The following SPICE1 variants were observed in gnomAD, a reference collection of about 807,000 sequenced individuals.
The protein encoded by SPICE1 is spindle and centriole associated protein 1, also known as spindle and centriole-associated protein 1.
Under a neutral mutation model 102.7 loss-of-function variants are expected in SPICE1, and 75 were observed. The observed-to-expected ratio is 0.73, with a 90% confidence interval of 0.61 to 0.88. The LOEUF (loss-of-function observed/expected upper bound fraction) is 0.88. Among genes scored for constraint, SPICE1 ranks in the 40% least tolerant of loss-of-function variants. The probability of loss-of-function intolerance (pLI) is 0.00; values close to 1 mark genes in which losing one functional copy is unlikely to be tolerated. For missense variants in SPICE1, 979 were observed against 1,020.1 expected, an observed-to-expected ratio of 0.96 and a Z score of 0.55; for synonymous variants, 308 against 350.3, an observed-to-expected ratio of 0.88 and a Z score of 1.35.
intron 12 of SPICE1, chr3:113,459,979 C>A (rs569306793): frequency 8.0e-5 from 79 of 985,138 alleles, no homozygotes; most frequent in Non-Finnish European, 9.5e-5. Flanking sequence ...TTTTGGTCAG[C>A]CACTTCTTAG....
rs1937054639 is a variant in SPICE1, at chr3:113,503,776, T to C, written c.100-549A>G. On this transcript the variant is annotated intron_variant, in intron 2 of 17. Transcript: ENST00000295872. ...GGCAAAACTCCATCTCTACTAAAAATACAAAAATTAGCCAGACCTGGTGGC... is the reference window on the plus strand; with the variant it reads ...GGCAAAACTCCATCTCTACTAAAAACACAAAAATTAGCCAGACCTGGTGGC... 2.6e-5 allele frequency among the ~76,000 whole-genome samples: 4 copies of C among 151,858 alleles called. No homozygotes were observed. The South Asian group carries it at 8.3e-4, about 32-fold the overall frequency.
chr3:113,491,396 G>A lies in SPICE1; in HGVS notation c.492+1810C>T, dbSNP rs558844399. ...AGCACTTTGGGAGGCCGAGGCGGGC[G>A]GATCACAAGGTCAGGAGATCGAGAC... is the stretch of plus-strand genomic sequence containing the variant. On this transcript the variant is annotated intron_variant, in intron 6 of 17. Coordinates refer to ENST00000295872, the MANE Select transcript of SPICE1 (RefSeq NM_144718.4). 5.9e-3 allele frequency among the ~76,000 whole-genome samples: 900 copies of A among 151,856 alleles called. 7 individuals are homozygous for A. Among genetic ancestry groups the A allele is most frequent in the South Asian group, 0.019 (92 of 4,804 alleles).
rs1444968754 is a variant in SPICE1, at chr3:113,479,325, A to G, written c.611+9620T>C. Among the ~76,000 whole-genome samples, 3 of 151,450 alleles carry G rather than the reference A, an allele frequency of 2.0e-5. No individual in the cohort carries two copies. In the East Asian group the frequency reaches 5.8e-4, roughly 29 times the overall value. On this transcript the variant is annotated intron_variant, in intron 7 of 17. Coordinates refer to ENST00000295872, the MANE Select transcript of SPICE1 (RefSeq NM_144718.4). ...TGAACTCATCATTTTTTATGGCTGC[A>G]TAGTATTCCATGGTGTATATGTGCC...
chr3:113,492,801 C>A (rs1936794378), intron 6 of SPICE1, among the ~76,000 whole-genome samples: 2 of 152,110 alleles, frequency 1.3e-5, no homozygotes. Context: ...GTAAGTAGAT[C>A]CACCTGACTC....
At chr3:113,454,457 C>A (rs1935733616) in intron 13 of SPICE1, among the ~76,000 whole-genome samples, 1 of 152,104 alleles carries the variant, frequency 6.6e-6, no homozygotes, top group Non-Finnish European at 1.5e-5. Flanking sequence ...TCCTATAATA[C>A]CCGCACTTTG....
intron 7 of SPICE1, among the ~76,000 whole-genome samples, chr3:113,471,853 C>T (rs200265272): frequency 9.9e-5 from 15 of 152,266 alleles, no homozygotes; most frequent in East Asian, 7.7e-4. Context: ...CAGCTCCCAG[C>T]GTGAGTGACA....
chr3:113,463,620 A>T, intron 11 of SPICE1, among the ~76,000 whole-genome samples: 1 of 152,268 alleles, frequency 6.6e-6, no homozygotes, highest in East Asian at 1.9e-4. Flanking sequence ...GCTAAACATA[A>T]ATTAACCTTA....
Position 113,491,620 on chromosome 3 carries a change from G to A in SPICE1, c.492+1586C>T, listed in dbSNP as rs190143417. ...AGCCTGGGCGACAGAGCGAGACTCC[G>A]TCTCAAAAAAAAAAAAAAAAAAAAA... On this transcript the variant is annotated intron_variant, in intron 6 of 17. Coordinates refer to ENST00000295872, the MANE Select transcript of SPICE1 (RefSeq NM_144718.4). Among the ~76,000 whole-genome samples, 157 of 63,600 alleles carry A rather than the reference G, an allele frequency of 2.5e-3. 2 individuals carry two copies. The highest frequency in any genetic ancestry group is 0.01 in the African/African-American group (135 of 13,024). The allele number at this position is 63,600 out of a possible 152,430, so 41.7% of individuals were successfully genotyped here. A position where few individuals can be genotyped will look rare whatever the true frequency, so the allele number is the denominator to read the frequency against.
In SPICE1 at chr3:113,450,327, G is replaced by C. The variant is rs760564384; in HGVS notation, c.2323+9C>G. ...TTTCTAGTTTTTAAATCATGAATTT[G>C]TGACCAACCAGTCCATGCTCTGAGA... On this transcript the variant is annotated intron_variant, in intron 15 of 17. Transcript: ENST00000295872. 6.2e-7 allele frequency: 1 copy of C among 1,613,668 alleles called. No individual in the cohort carries two copies. The highest frequency in any genetic ancestry group is 1.3e-5 in the African/African-American group (1 of 74,898).
chr3:113,446,248 C>A (rs1428845275), intron 17 of SPICE1, among the ~76,000 whole-genome samples: 1 of 152,160 alleles, frequency 6.6e-6, no homozygotes, highest in African/African-American at 2.4e-5. Context: ...AGCACAAGGA[C>A]TGGGGGAACC....
At position 113,459,592 on chromosome 3, in the gene SPICE1, T is replaced by C. The variant is rs1017515118; in HGVS notation, c.1435+1025A>G. On this transcript the variant is annotated intron_variant, in intron 12 of 17. Coordinates refer to ENST00000295872, the MANE Select transcript of SPICE1 (RefSeq NM_144718.4). ...ACATATTCCTTGACTGAGATATTAA[T>C]AGCAAGACTTGCCAGGTGCGGTGGC... is the stretch of plus-strand genomic sequence containing the variant. 1.8e-5 allele frequency: 18 copies of C among 985,268 alleles called. No individual in the cohort carries two copies. The South Asian group carries it at 2.8e-4, about 15-fold the overall frequency. The allele number at this position is 985,268 out of a possible 1,614,324, so 61.0% of individuals were successfully genotyped here. A position where few individuals can be genotyped will look rare whatever the true frequency, so the allele number is the denominator to read the frequency against.
intron 17 of SPICE1, among the ~76,000 whole-genome samples, chr3:113,445,631 A>C (rs984480932): frequency 6.6e-6 from 1 of 152,182 alleles, no homozygotes; most frequent in Non-Finnish European, 1.5e-5. Context: ...ATAAATTTTT[A>C]AAATGATAAA....
chr3:113,501,950 A>G (rs908107819), intron 3 of SPICE1, among the ~76,000 whole-genome samples: 1 of 152,262 alleles, frequency 6.6e-6, no homozygotes, highest in Non-Finnish European at 1.5e-5. Context: ...AAACTTGTAC[A>G]TGAATGTTCA....
chr3:113,497,071 G>A (rs1936906391), intron 4 of SPICE1, among the ~76,000 whole-genome samples: 1 of 152,184 alleles, frequency 6.6e-6, no homozygotes, highest in Non-Finnish European at 1.5e-5. Flanking sequence ...AACCATCTTT[G>A]TAAGTGGGAA....
At chr3:113,504,444 A>G (rs1481600719) in intron 2 of SPICE1, among the ~76,000 whole-genome samples, 2 of 152,024 alleles carry the variant, frequency 1.3e-5, no homozygotes, top group African/African-American at 4.8e-5. Context: ...AAGGTACAAG[A>G]GCCAGGCATG....
At chr3:113,490,471 G>A (rs1362700459) in intron 6 of SPICE1, among the ~76,000 whole-genome samples, 2 of 151,848 alleles carry the variant, frequency 1.3e-5, no homozygotes, top group Non-Finnish European at 2.9e-5. Flanking sequence ...GCAAAACCCC[G>A]TCTCCACCAA....
intron 2 of SPICE1, among the ~76,000 whole-genome samples, chr3:113,504,483 C>CA (rs1352765906): frequency 2.0e-5 from 3 of 148,552 alleles, no homozygotes; most frequent in African/African-American, 7.5e-5. Flanking sequence ...CTCAGCTACC[C>CA]AGGAGGTTCA....
chr3:113,482,265 T>C (rs1411529609), intron 7 of SPICE1, among the ~76,000 whole-genome samples: 1 of 152,234 alleles, frequency 6.6e-6, no homozygotes, highest in East Asian at 1.9e-4. Context: ...GGTTGTTTTT[T>C]TCTTGTAAAT....
chr3:113,443,868 T>A lies in SPICE1; in HGVS notation c.*1439A>T, dbSNP rs1283783738. On this transcript the variant is annotated 3_prime_UTR_variant, in exon 18 of 18. Transcript: ENST00000295872. ...GCTACAATATTGCCTAGTATGTAGT[T>A]AACAGTTAATTATTAAATTCTGCTA... 11 of 152,356 alleles carry A rather than the reference T, an allele frequency of 7.2e-5. No homozygotes were observed. Among genetic ancestry groups the A allele is most frequent in the Admixed American group, 7.2e-4 (11 of 15,302 alleles). The allele number at this position is 152,356 out of a possible 1,614,324, so 9.4% of individuals were successfully genotyped here. A position where few individuals can be genotyped will look rare whatever the true frequency, so the allele number is the denominator to read the frequency against.
Sources: gnomAD v4.1 joint callset for allele counts (sites outside exome capture counted in the v4.1 genomes callset) on GRCh38, gnomAD v4.1.1 for gene constraint, MANE v1.5 for transcripts, NCBI Gene and HGNC (gene_info 2026-07-23, HGNC 2026-07-21) for gene names.